The following CDH4 variants were observed in gnomAD, a reference collection of about 807,000 sequenced individuals.
The protein encoded by CDH4 is cadherin 4, also known as cadherin-4.
A neutral mutation model predicts 86.0 loss-of-function variants in CDH4; 33 were observed. That is an observed-to-expected ratio of 0.38 (90% confidence interval 0.29 to 0.51). The LOEUF (loss-of-function observed/expected upper bound fraction) is 0.51. Ranked by LOEUF, CDH4 falls within the 20% of genes least tolerant of loss-of-function variation. CDH4 has a pLI of 0.86. For missense variants in CDH4, 1,114 were observed against 1,307.4 expected, an observed-to-expected ratio of 0.85 and a Z score of 2.28; for synonymous variants, 555 against 549.4, an observed-to-expected ratio of 1.01 and a Z score of -0.14.
chr20:61,856,634 C>A (rs1270716236), intron 6 of CDH4, among the ~76,000 whole-genome samples: 3 of 118,050 alleles, frequency 2.5e-5, no homozygotes, highest in African/African-American at 8.2e-5. Flanking sequence ...ACATTCTTCC[C>A]CAGCCCCCTA....
intron 2 of CDH4, among the ~76,000 whole-genome samples, chr20:61,549,947 C>T (rs1401463314): frequency 1.3e-5 from 2 of 152,184 alleles, no homozygotes; most frequent in African/African-American, 4.8e-5. Context: ...TCCTGGAGTC[C>T]TGGCCACTCC....
rs752154234 is a variant in CDH4, at chr20:61,518,550, A to G, written c.170-225013A>G. On this transcript the variant is annotated intron_variant, in intron 2 of 15. Transcript: ENST00000614565. The surrounding 1 kb of genome is among the most constrained non-coding windows in gnomAD (Gnocchi z 6.3). ...CCATCCATCTATCCATCATTCATCCATCATCCTTCTATTTGTCATCTATCC... is the reference window on the plus strand; with the variant it reads ...CCATCCATCTATCCATCATTCATCCGTCATCCTTCTATTTGTCATCTATCC... Among the ~76,000 whole-genome samples, 2 of 151,536 alleles carry G rather than the reference A, an allele frequency of 1.3e-5. No individual in the cohort carries two copies. Among genetic ancestry groups the G allele is most frequent in the Non-Finnish European group, 1.5e-5 (1 of 67,914 alleles).
chr20:61,342,137 G>A (rs1313426215), intron 2 of CDH4, among the ~76,000 whole-genome samples: 1 of 152,172 alleles, frequency 6.6e-6, no homozygotes, highest in African/African-American at 2.4e-5. Context: ...TTGAAAAGAT[G>A]AGGCTGTATG....
At chr20:61,600,057 C>T in intron 2 of CDH4, 1 of 677,212 alleles carries the variant, frequency 1.5e-6, no homozygotes, top group Middle Eastern at 7.6e-4. Flanking sequence ...TCTATTTGAA[C>T]AGACTGTCTG....
chr20:61,486,847 TC>T (rs1174325214), intron 2 of CDH4, among the ~76,000 whole-genome samples: 3 of 152,158 alleles, frequency 2.0e-5, no homozygotes, highest in Non-Finnish European at 4.4e-5. Context: ...TATGATTGCA[TC>T]ACTGTACTCC....
intron 2 of CDH4, among the ~76,000 whole-genome samples, chr20:61,617,064 A>G (rs1369316946): frequency 6.6e-6 from 1 of 152,176 alleles, no homozygotes; most frequent in African/African-American, 2.4e-5. Context: ...CCCACAAGTG[A>G]CTTGGAAGAA....
intron 2 of CDH4, among the ~76,000 whole-genome samples, chr20:61,713,222 C>A (rs967855511): frequency 6.6e-6 from 1 of 152,160 alleles, no homozygotes; most frequent in African/African-American, 2.4e-5. Flanking sequence ...TGTCCTGACC[C>A]CTGCATGTCC....
chr20:61,345,720 C>G (rs767022042), intron 2 of CDH4, among the ~76,000 whole-genome samples: 10 of 152,170 alleles, frequency 6.6e-5, no homozygotes, highest in Non-Finnish European at 1.2e-4. Context: ...CCTGAATGGA[C>G]AGCAAGGAAG....
chr20:61,680,707 C>T (rs1330366486), intron 2 of CDH4, among the ~76,000 whole-genome samples: 1 of 152,134 alleles, frequency 6.6e-6, no homozygotes, highest in Non-Finnish European at 1.5e-5. Flanking sequence ...GCTTTCCTGG[C>T]TGTTTCTGGG....
At position 61,481,852 on chromosome 20, in the gene CDH4, A is replaced by C. The variant is rs147215380; in HGVS notation, c.169+226915A>C. On this transcript the variant is annotated intron_variant, in intron 2 of 15. Coordinates refer to ENST00000614565, the MANE Select transcript of CDH4 (RefSeq NM_001794.5). Reference sequence around the variant, plus strand: ...GCAAATGGTTTTCAAATACAGTAAAATGCTCATAAATTTTTACTTATAAAA... The same window carrying C: ...GCAAATGGTTTTCAAATACAGTAAACTGCTCATAAATTTTTACTTATAAAA... Among the ~76,000 whole-genome samples, 245 of 152,356 alleles carry C rather than the reference A, an allele frequency of 1.6e-3. 2 individuals carry two copies. The highest frequency in any genetic ancestry group is 9.4e-3 in the East Asian group (49 of 5,188).
At chr20:61,580,114 C>A (rs550570138) in intron 2 of CDH4, among the ~76,000 whole-genome samples, 3 of 143,932 alleles carry the variant, frequency 2.1e-5, no homozygotes, top group East Asian at 3.9e-4. Flanking sequence ...CGGACTCTTA[C>A]ACTGCTACAA....
intron 2 of CDH4, among the ~76,000 whole-genome samples, chr20:61,606,739 C>T (rs111498849): frequency 6.6e-6 from 1 of 152,202 alleles, no homozygotes; most frequent in Admixed American, 6.5e-5. Context: ...TGCTCAGGGC[C>T]AGTGACATTT....
intron 2 of CDH4, among the ~76,000 whole-genome samples, chr20:61,261,261 C>A (rs1012336929): frequency 6.6e-6 from 1 of 152,172 alleles, no homozygotes; most frequent in African/African-American, 2.4e-5. Context: ...GATTCCTAAC[C>A]GCTGCTTCTC....
intron 2 of CDH4, among the ~76,000 whole-genome samples, chr20:61,543,255 T>C (rs117048531): frequency 0.04 from 6,044 of 152,248 alleles, 168 homozygotes; most frequent in Middle Eastern, 0.068. Context: ...TCCTTCAATC[T>C]CATCAAGTTG....
rs1320965211 is a variant in CDH4 at position 61,627,709 on chromosome 20, G to A, written c.170-115854G>A. On this transcript the variant is annotated intron_variant, in intron 2 of 15. Transcript: ENST00000614565. ...AGCAGTGCCTCCCGCCCCCCGACTCGACTTGAGGCCCAGGCACTTGGTGTC... is the reference window on the plus strand; with the variant it reads ...AGCAGTGCCTCCCGCCCCCCGACTCAACTTGAGGCCCAGGCACTTGGTGTC... 5.9e-5 allele frequency among the ~76,000 whole-genome samples: 9 copies of A among 152,140 alleles called. 1 individual carries two copies. The highest frequency in any genetic ancestry group is 6.8e-3 in the Middle Eastern group (2 of 294).
In CDH4 at chr20:61,662,860, A is replaced by G. The variant is rs1356207654; in HGVS notation, c.170-80703A>G. ...TGCCCTCCTATCTCCATGTCCGCCT[A>G]CAGGGTAGAGCCGGTGGTGCAGGCC... On this transcript the variant is annotated intron_variant, in intron 2 of 15. Coordinates refer to ENST00000614565, the MANE Select transcript of CDH4 (RefSeq NM_001794.5). 2.0e-5 allele frequency among the ~76,000 whole-genome samples: 3 copies of G among 152,104 alleles called. No homozygotes were observed. The East Asian group carries it at 5.8e-4, about 29-fold the overall frequency.
chr20:61,374,273 C>T (rs1284539143), intron 2 of CDH4, among the ~76,000 whole-genome samples: 1 of 152,098 alleles, frequency 6.6e-6, no homozygotes, highest in Non-Finnish European at 1.5e-5. Flanking sequence ...GACCAGGGGC[C>T]GTCCCCATGC....
chr20:61,331,945 C>T lies in CDH4; in HGVS notation c.169+77008C>T, dbSNP rs138177109. ...ATGAGTAAACTCTTCCAAGGGAGGT[C>T]GCCTGTGCGCCCCACAGGGAAGGGA... On this transcript the variant is annotated intron_variant, in intron 2 of 15. Transcript: ENST00000614565. Among the ~76,000 whole-genome samples, 311 of 152,274 alleles carry T rather than the reference C, an allele frequency of 2.0e-3. 2 individuals carry two copies. The highest frequency in any genetic ancestry group is 6.8e-3 in the Middle Eastern group (2 of 294).
intron 2 of CDH4, among the ~76,000 whole-genome samples, chr20:61,730,720 G>A (rs1423758623): frequency 6.6e-6 from 1 of 152,192 alleles, no homozygotes; most frequent in African/African-American, 2.4e-5. Context: ...AGGGCAACCT[G>A]AGCAGCCATC....
Sources: allele counts gnomAD v4.1 joint callset (sites outside exome capture counted in the v4.1 genomes callset), GRCh38; gene constraint gnomAD v4.1.1; non-coding constraint Gnocchi (gnomAD v3.1); transcripts MANE v1.5; gene names NCBI Gene and HGNC (gene_info 2026-07-23, HGNC 2026-07-21).